The following RPS21 variants were observed in gnomAD, a reference collection of about 807,000 sequenced individuals.
The protein encoded by RPS21 is ribosomal protein S21.
In RPS21, 6 loss-of-function variants were observed where a neutral mutation model predicts 14.5. That is an observed-to-expected ratio of 0.41 (90% CI 0.23 to 0.82). The LOEUF (loss-of-function observed/expected upper bound fraction) is 0.82. RPS21 is among the 40% of genes least tolerant of loss of function. The pLI is 0.31. For synonymous variants in RPS21, 61 were observed against 42.6 expected (o/e 1.43, Z -1.69); for missense variants, 85 against 115.0 (o/e 0.74, Z 1.19).
chr20:62,388,178 G>GGCTCCCCTTCTGCAGA, intron 4 of RPS21, 131 bp from the exon 5 acceptor site: 1 of 1,459,860 alleles, frequency 6.8e-7, no homozygotes, highest in East Asian at 2.5e-5. Context: ...CGGGAGAGGT[G>GGCTCCCCTTCTGCAGA]GCTCCCCTTC....
intron 4 of RPS21, 108 bp downstream of exon 4, chr20:62,388,022 G>A (rs930064940): frequency 1.3e-6 from 2 of 1,599,886 alleles, no homozygotes; most frequent in African/African-American, 2.7e-5. Context: ...AGAGTAGTTT[G>A]AGCCAGCTGG....
chr20:62,388,214 GGGGAGAGACGT>G (rs1987817448), intron 4 of RPS21, 84 bp from the exon 5 acceptor site: 1 of 1,475,956 alleles, frequency 6.8e-7, no homozygotes, highest in Admixed American at 2.5e-5. Context: ...TCGCTCAGCG[GGGGAGAGACGT>G]GGGCTGGTGG....
rs368034186 is a variant in RPS21 at position 62,388,290 on chromosome 20, CTT to C, written c.187-8_187-7del. 265 of 1,347,570 alleles carry C rather than the reference CTT, an allele frequency of 2.0e-4. No homozygotes were observed. The highest frequency in any genetic ancestry group is 7.4e-4 in the Middle Eastern group (4 of 5,412). The allele number at this position is 1,347,570 out of a possible 1,614,324, so 83.5% of individuals were successfully genotyped here. A position where few individuals can be genotyped will look rare whatever the true frequency, so the allele number is the denominator to read the frequency against. On this transcript the variant is annotated splice_polypyrimidine_tract_variant and intron_variant, in intron 4 of 5. Coordinates refer to ENST00000343986, the MANE Select transcript of RPS21 (RefSeq NM_001024.4). Reference sequence around the variant, plus strand: ...CCGGAGTGGAAATATTCTTAGTGTGCTTTTTTTTTTTTCTTAAGGGTGAGTCA... The same window carrying C: ...CCGGAGTGGAAATATTCTTAGTGTGCTTTTTTTTTTCTTAAGGGTGAGTCA...
intron 3 of RPS21, 66 bp downstream of exon 3, chr20:62,387,740 T>G (rs1312169625): frequency 6.2e-7 from 1 of 1,613,960 alleles, no homozygotes; most frequent in Non-Finnish European, 8.5e-7. Flanking sequence ...GCTGTCCCAT[T>G]GTGGAGGAGC....
intron 4 of RPS21, 137 bp downstream of exon 4, chr20:62,388,051 C>T (rs745464451): frequency 7.0e-6 from 11 of 1,572,808 alleles, no homozygotes; most frequent in African/African-American, 1.4e-5. Flanking sequence ...GGCCGCCTGC[C>T]GCTTCTTGAG....
At chr20:62,388,118 G>T (rs1987809516) in intron 4 of RPS21, 191 bp from the exon 5 acceptor site, 1 of 1,509,246 alleles carries the variant, frequency 6.6e-7, no homozygotes, top group Non-Finnish European at 8.9e-7. Context: ...CCTCTCACTA[G>T]GAGGTGCCCC....
Position 62,387,592 on chromosome 20 carries a change from C to T in RPS21, c.51-19C>T, listed in dbSNP as rs753567268. ...TTACCGCCCAAGTCCCCTCTGCTCA[C>T]TGCGCCCTTTCTCCACAGCTCCGCT... On this transcript the variant is annotated intron_variant, in intron 2 of 5. Transcript: ENST00000343986. The T allele has an allele frequency of 1.2e-6, 2 of 1,608,292 alleles. No individual in the cohort carries two copies. The highest frequency in any genetic ancestry group is 1.7e-6 in the Non-Finnish European group (2 of 1,176,120).
chr20:62,387,930 G>C lies in RPS21; in HGVS notation c.186+16G>C. 6.2e-7 allele frequency: 1 copy of C among 1,614,216 alleles called. No homozygotes were observed. The highest frequency in any genetic ancestry group is 8.5e-7 in the Non-Finnish European group (1 of 1,180,040). On this transcript the variant is annotated intron_variant, in intron 4 of 5. Transcript: ENST00000343986. Reference sequence around the variant, plus strand: ...TCGTAGGATGGTGAGTGTTTCCCTGGGCTTTGCTCATCACTTCGGGACATC... The same window carrying C: ...TCGTAGGATGGTGAGTGTTTCCCTGCGCTTTGCTCATCACTTCGGGACATC...
intron 1 of RPS21, 26 bp from the exon 2 acceptor site, chr20:62,387,295 C>CA (rs1357493132): frequency 5.8e-6 from 9 of 1,557,510 alleles, no homozygotes; most frequent in Non-Finnish European, 6.9e-6. Flanking sequence ...CGGCCGTACT[C>CA]ACGGCGCCGC....
In RPS21 at chr20:62,387,596, G is replaced by C. The variant is rs758362768; in HGVS notation, c.51-15G>C. ...CGCCCAAGTCCCCTCTGCTCACTGC[G>C]CCCTTTCTCCACAGCTCCGCTAGCA... On this transcript the variant is annotated splice_polypyrimidine_tract_variant and intron_variant, in intron 2 of 5. Transcript: ENST00000343986. 6.2e-7 allele frequency: 1 copy of C among 1,608,554 alleles called. No individual in the cohort carries two copies. The highest frequency in any genetic ancestry group is 1.3e-5 in the African/African-American group (1 of 74,944).
Position 62,388,010 on chromosome 20 carries a change from G to A in RPS21, c.186+96G>A, listed in dbSNP as rs746883124. 3 of 1,610,218 alleles carry A rather than the reference G, an allele frequency of 1.9e-6. No individual in the cohort carries two copies. In the East Asian group the frequency reaches 6.7e-5, roughly 36 times the overall value. ...TGATGGTGCCTGAGTAGATCTGCTGGCAGAGTAGTTTGAGCCAGCTGGACT... is the reference window on the plus strand; with the variant it reads ...TGATGGTGCCTGAGTAGATCTGCTGACAGAGTAGTTTGAGCCAGCTGGACT... On this transcript the variant is annotated intron_variant, in intron 4 of 5. Transcript: ENST00000343986.
At position 62,387,861 on chromosome 20, in the gene RPS21, A is replaced by C; in HGVS notation, c.133A>C (p.Arg45=). The change falls in exon 4 of 6, where the codon AGG becomes CGG. Residue 45 remains arginine (R), a synonymous_variant. Coordinates refer to ENST00000343986, the MANE Select transcript of RPS21 (RefSeq NM_001024.4). The part of the protein sequence containing the change: ...NVAEVDKVTG[R]FNGQFKTYAI... ...TTTCTAGGTTGACAAGGTCACAGGC[A>C]GGTTTAATGGCCAGTTTAAAACTTA... The C allele has an allele frequency of 6.2e-7, 1 of 1,614,184 alleles. No individual in the cohort carries two copies. The highest frequency in any genetic ancestry group is 8.5e-7 in the Non-Finnish European group (1 of 1,180,040).
intron 1 of RPS21, 61 bp downstream of exon 1, chr20:62,387,197 G>C: frequency 3.0e-6 from 2 of 671,654 alleles, no homozygotes; most frequent in Non-Finnish European, 4.8e-6. Flanking sequence ...GTGGGGGCTT[G>C]GACGCGGGGG....
chr20:62,387,248 T>C, intron 1 of RPS21, 73 bp from the exon 2 acceptor site: 1 of 1,188,956 alleles, frequency 8.4e-7, no homozygotes, highest in East Asian at 2.6e-5. Context: ...GCCGTGACCC[T>C]AGGGGCCGGT....
chr20:62,387,156 C>G lies in RPS21; in HGVS notation c.-19+20C>G, dbSNP rs1320284965. The G allele has an allele frequency of 9.9e-6, 5 of 506,758 alleles. No homozygotes were observed. The highest frequency in any genetic ancestry group is 1.7e-5 in the Non-Finnish European group (5 of 292,004). The allele number at this position is 506,758 out of a possible 1,614,324, so 31.4% of individuals were successfully genotyped here. On this transcript the variant is annotated intron_variant, in intron 1 of 5. Coordinates refer to ENST00000343986, the MANE Select transcript of RPS21 (RefSeq NM_001024.4). ...CAGCAGGTGTGGCGCGCGGCGCGGGCTTCGGGCTCAGGGCTGGGGCTGGGG... is the reference window on the plus strand; with the variant it reads ...CAGCAGGTGTGGCGCGCGGCGCGGGGTTCGGGCTCAGGGCTGGGGCTGGGG...
In RPS21 at chr20:62,387,646, A is replaced by G. The variant is rs761374446; in HGVS notation, c.86A>G (p.His29Arg). ...AATCGCATCATCGGTGCCAAGGACC[A>G]CGCATCCATCCAGATGAACGTGGCC... is the stretch of plus-strand genomic sequence containing the variant. Reference protein sequence around the residue: ...ASNRIIGAKDHASIQMNVAEV... With the variant: ...ASNRIIGAKDRASIQMNVAEV... The change falls in exon 3 of 6, where the codon CAC (histidine) becomes CGC (arginine). Residue 29 changes from histidine (H) to arginine (R), a missense_variant. Coordinates refer to ENST00000343986, the MANE Select transcript of RPS21 (RefSeq NM_001024.4). 1.2e-6 allele frequency: 2 copies of G among 1,613,970 alleles called. No homozygotes were observed. The highest frequency in any genetic ancestry group is 8.5e-7 in the Non-Finnish European group (1 of 1,179,962).
At chr20:62,388,200 C>T (rs1260540650) in intron 4 of RPS21, 109 bp from the exon 5 acceptor site, 19 of 1,462,390 alleles carry the variant, frequency 1.3e-5, no homozygotes, top group Admixed American at 2.5e-5. Flanking sequence ...GCGCCTGTCT[C>T]CATTCGCTCA....
intron 1 of RPS21, 37 bp from the exon 2 acceptor site, chr20:62,387,284 C>T (rs1987763468): frequency 6.6e-7 from 1 of 1,517,696 alleles, no homozygotes; most frequent in Non-Finnish European, 8.9e-7. Flanking sequence ...GGGCACGGTT[C>T]CGGCCGTACT....
chr20:62,387,536 C>G, intron 2 of RPS21, 75 bp from the exon 3 acceptor site: 2 of 1,586,544 alleles, frequency 1.3e-6, no homozygotes, highest in South Asian at 2.3e-5. Flanking sequence ...CATTCATATA[C>G]CCCCAACCTC....
Sources: gnomAD v4.1 joint callset for allele counts on GRCh38, gnomAD v4.1.1 for gene constraint, MANE v1.5 for transcripts, NCBI Gene and HGNC (gene_info 2026-07-23, HGNC 2026-07-21) for gene names.